Variants in LYST observed in about 807,000 individuals in gnomAD.
LYST encodes the protein lysosomal-trafficking regulator.
Under a neutral mutation model 413.6 loss-of-function variants are expected in LYST, and 192 were observed. That is an observed-to-expected ratio of 0.46 (90% CI 0.41 to 0.52). LYST has a LOEUF of 0.52. Among genes scored for constraint, LYST ranks in the 20% least tolerant of loss-of-function variants. LYST has a pLI of 0.00. For missense variants in LYST, 3,815 were observed against 4,499.9 expected (o/e 0.85, Z 4.35); for synonymous variants, 1,525 against 1,567.3 (o/e 0.97, Z 0.64).
At chr1:235,751,448 T>C in intron 27 of LYST, 86 bp from the exon 28 acceptor site, 1 of 1,182,060 alleles carries the variant, frequency 8.5e-7, no homozygotes, top group Non-Finnish European at 1.3e-6. Flanking sequence ...ATGACAATAA[T>C]GTTTTGATAT....
intron 10 of LYST, among the ~76,000 whole-genome samples, chr1:235,795,349 C>T (rs75625424): frequency 0.027 from 4,131 of 152,170 alleles, 165 homozygotes; most frequent in African/African-American, 0.094. Context: ...TGTAACTGTA[C>T]AGTCTGCAGA....
At chr1:235,740,344 A>G (rs1665249388) in intron 31 of LYST, among the ~76,000 whole-genome samples, 1 of 152,172 alleles carries the variant, frequency 6.6e-6, no homozygotes, top group Non-Finnish European at 1.5e-5. Flanking sequence ...ACATCCATTT[A>G]ACCACTACTC....
chr1:235,816,419 G>A (rs1329051058), intron 3 of LYST, among the ~76,000 whole-genome samples: 7 of 141,858 alleles, frequency 4.9e-5, no homozygotes, highest in Non-Finnish European at 1.1e-4. Flanking sequence ...CAGCCTGGGT[G>A]ACAGAGAAAG....
chr1:235,881,357 G>C (rs1236717800), intron 1 of LYST, among the ~76,000 whole-genome samples: 1 of 152,142 alleles, frequency 6.6e-6, no homozygotes, highest in East Asian at 1.9e-4. Context: ...TTACTCCTTG[G>C]AAGTTTGTAT....
At chr1:235,846,880 G>A (rs1374408730) in intron 1 of LYST, among the ~76,000 whole-genome samples, 2 of 152,008 alleles carry the variant, frequency 1.3e-5, no homozygotes, top group Non-Finnish European at 2.9e-5. Context: ...CTGGGATTAT[G>A]TTAAATGACC....
chr1:235,818,304 G>T (rs888588629), intron 3 of LYST, among the ~76,000 whole-genome samples: 1 of 152,074 alleles, frequency 6.6e-6, no homozygotes, highest in Non-Finnish European at 1.5e-5. Context: ...AGGAGTTCAG[G>T]TTTATCTCTA....
rs542529515 is a variant in LYST at position 235,786,662 on chromosome 1, A to G, written c.4862+538T>C. 7.7e-3 allele frequency among the ~76,000 whole-genome samples: 1,168 copies of G among 152,194 alleles called. 15 individuals carry two copies. The highest frequency in any genetic ancestry group is 0.027 in the African/African-American group (1,112 of 41,502). ...TTGGAACCAACCCAAATGTCCATCA[A>G]TGATAGACTGGATTAAGAAAATGTG... On this transcript the variant is annotated intron_variant, in intron 14 of 52. Transcript: ENST00000389793.
chr1:235,687,697 C>T (rs375174233), intron 47 of LYST, among the ~76,000 whole-genome samples: 2 of 152,104 alleles, frequency 1.3e-5, no homozygotes, highest in African/African-American at 4.8e-5. Flanking sequence ...CAACTGTCCC[C>T]AACTGCTCTC....
intron 31 of LYST, chr1:235,739,043 G>T: frequency 1.5e-6 from 1 of 648,400 alleles, no homozygotes. Flanking sequence ...GATTTTAGTT[G>T]GAGGTTGTGC....
At chr1:235,794,385 T>A (rs1386706865) in intron 10 of LYST, among the ~76,000 whole-genome samples, 1 of 152,222 alleles carries the variant, frequency 6.6e-6, no homozygotes, top group Non-Finnish European at 1.5e-5. Context: ...AACATTTTCT[T>A]TATTCCATCA....
chr1:235,746,338 T>G lies in LYST; in HGVS notation c.7970A>C (p.Gln2657Pro). The change falls in exon 29 of 53, where the codon CAA (glutamine) becomes CCA (proline). Residue 2657 changes from glutamine to proline, a missense_variant and splice_region_variant. Coordinates refer to ENST00000389793, the MANE Select transcript of LYST (RefSeq NM_000081.4). ...ACAAACTAATCCTATAGTCTTACCT[T>G]GATAAATAATCCTGTTGACTGCTAA... ...TVLAVNRIIY[Q>P]EFNSDIIDIL... is the part of the protein sequence containing the mutation. 6.2e-7 allele frequency: 1 copy of G among 1,613,118 alleles called. No homozygotes were observed. Among genetic ancestry groups the G allele is most frequent in the Non-Finnish European group, 8.5e-7 (1 of 1,179,134 alleles).
At chr1:235,695,609 A>G (rs1242870752) in intron 46 of LYST, among the ~76,000 whole-genome samples, 3 of 150,892 alleles carry the variant, frequency 2.0e-5, no homozygotes, top group African/African-American at 7.3e-5. Context: ...CTCAACAGAG[A>G]GAAACTTTAC....
chr1:235,744,102 G>C lies in LYST; in HGVS notation c.8028C>G (p.Ser2676Arg). 1 of 1,599,528 alleles carries C rather than the reference G, an allele frequency of 6.3e-7. No homozygotes were observed. Among genetic ancestry groups the C allele is most frequent in the East Asian group, 2.2e-5 (1 of 44,638 alleles). Reference sequence around the variant, plus strand: ...TTTCGGTCTGGAAAACTGAGGTCTTGCTTTGAGTTACATTTTCTGGAGTTC... The same window carrying C: ...TTTCGGTCTGGAAAACTGAGGTCTTCCTTTGAGTTACATTTTCTGGAGTTC... ...ILRTPENVTQ[S>R]KTSVFQTEIS... The change falls in exon 30 of 53, where the codon AGC becomes AGG. Residue 2676 changes from serine (S) to arginine (R), a missense_variant. Ser to Arg is a moderately radical substitution (Grantham distance 110). Transcript: ENST00000389793.
intron 3 of LYST, chr1:235,829,628 T>C (rs1675729549): frequency 6.6e-6 from 1 of 152,214 alleles, no homozygotes; most frequent in South Asian, 2.1e-4. Context: ...CTGGATCTGT[T>C]TTCTCATCTG....
chr1:235,870,512 T>G (rs948902894), upstream of LYST, among the ~76,000 whole-genome samples: 18 of 152,224 alleles, frequency 1.2e-4, no homozygotes, highest in African/African-American at 4.1e-4. Context: ...CTACCTTGGC[T>G]CAGAAGGCTG....
At chr1:235,771,917 GTTTTTTTTTT>G (rs1215590592) in intron 19 of LYST, among the ~76,000 whole-genome samples, 1 of 72,728 alleles carries the variant, frequency 1.4e-5, no homozygotes, top group Non-Finnish European at 2.6e-5. Flanking sequence ...TTTTTAGTTT[GTTTTTTTTTT>G]TTTTTTTTTT....
intron 44 of LYST, among the ~76,000 whole-genome samples, chr1:235,706,146 A>AC (rs1661970426): frequency 6.6e-6 from 1 of 152,156 alleles, no homozygotes; most frequent in African/African-American, 2.4e-5. Flanking sequence ...CAAAAATCAG[A>AC]CCCGAAGCCT....
chr1:235,787,056 A>T (rs900196545), intron 14 of LYST, 144 bp downstream of exon 14: 8 of 650,436 alleles, frequency 1.2e-5, no homozygotes, highest in African/African-American at 7.4e-5. Context: ...ATAATAATAA[A>T]AAAAGAAACA....
chr1:235,685,867 AAC>A (rs1340948104), intron 48 of LYST, among the ~76,000 whole-genome samples: 17 of 151,286 alleles, frequency 1.1e-4, no homozygotes, highest in African/African-American at 4.1e-4. Context: ...AAAAAAAAAA[AAC>A]AAACAAAAAA....
Sources: gnomAD v4.1 joint callset for allele counts (sites outside exome capture counted in the v4.1 genomes callset) on GRCh38, gnomAD v4.1.1 for gene constraint, MANE v1.5 for transcripts, NCBI Gene and HGNC (gene_info 2026-07-23, HGNC 2026-07-21) for gene names.